Variants in PITPNC1 observed in about 807,000 individuals in gnomAD.
The protein encoded by PITPNC1 is cytoplasmic phosphatidylinositol transfer protein 1.
In PITPNC1, 18 loss-of-function variants were observed where a neutral mutation model predicts 44.7. That is an observed-to-expected ratio of 0.40 (90% confidence interval 0.28 to 0.60). PITPNC1 has a LOEUF of 0.60. PITPNC1 is among the 20% of genes least tolerant of loss of function. The pLI, the probability that PITPNC1 is intolerant of heterozygous loss-of-function variation, is 0.39. For missense variants in PITPNC1, 290 were observed against 418.4 expected, an observed-to-expected ratio of 0.69 and a Z score of 2.68; for synonymous variants, 141 against 149.6, an observed-to-expected ratio of 0.94 and a Z score of 0.42.
chr17:67,442,399 G>T (rs2039028927), intron 1 of PITPNC1, among the ~76,000 whole-genome samples: 1 of 151,088 alleles, frequency 6.6e-6, no homozygotes, highest in South Asian at 2.1e-4. Flanking sequence ...AGTGGATGAG[G>T]TGGTGGGAGA....
chr17:67,504,845 T>C (rs1583319), intron 1 of PITPNC1, among the ~76,000 whole-genome samples: 1 of 152,022 alleles, frequency 6.6e-6, no homozygotes, highest in African/African-American at 2.4e-5. Context: ...ATGCGAAATC[T>C]TTTTCTTTTT....
intron 1 of PITPNC1, among the ~76,000 whole-genome samples, chr17:67,411,711 T>TC (rs1368436674): frequency 6.6e-6 from 1 of 152,132 alleles, no homozygotes; most frequent in Non-Finnish European, 1.5e-5. Context: ...GGGCACGAGA[T>TC]CAGAGCTAGA....
chr17:67,671,292 G>A (rs2042508198), intron 7 of PITPNC1, among the ~76,000 whole-genome samples: 3 of 152,184 alleles, frequency 2.0e-5, no homozygotes, highest in South Asian at 2.1e-4. Context: ...GAAATGCAAT[G>A]TTGAGCATTG....
intron 1 of PITPNC1, among the ~76,000 whole-genome samples, chr17:67,473,011 G>A (rs1183256473): frequency 6.6e-6 from 1 of 151,582 alleles, no homozygotes; most frequent in African/African-American, 2.4e-5. Context: ...GAGTAGCTGG[G>A]ACTACAGGTG....
intron 2 of PITPNC1, among the ~76,000 whole-genome samples, chr17:67,542,615 A>G (rs1012997326): frequency 1.3e-5 from 2 of 152,214 alleles, no homozygotes; most frequent in Admixed American, 1.3e-4. Flanking sequence ...TCCACAGGGC[A>G]GTGGGTCCTG....
intron 1 of PITPNC1, among the ~76,000 whole-genome samples, chr17:67,454,933 C>T (rs912240230): frequency 1.7e-4 from 26 of 151,782 alleles, no homozygotes; most frequent in Admixed American, 1.6e-3. Context: ...AATCCTCCCA[C>T]TTCAGCCCCC....
intron 4 of PITPNC1, among the ~76,000 whole-genome samples, chr17:67,557,700 G>A (rs549670144): frequency 3.3e-5 from 5 of 152,298 alleles, no homozygotes; most frequent in Admixed American, 6.5e-5. Flanking sequence ...CTCTGTCCAC[G>A]ACAGCCCTGG....
At chr17:67,572,785 T>G (rs1447917940) in intron 4 of PITPNC1, among the ~76,000 whole-genome samples, 1 of 115,048 alleles carries the variant, frequency 8.7e-6, no homozygotes, top group African/African-American at 3.7e-5. Context: ...CAGCAGGAAG[T>G]TTTCCAGGGA....
intron 1 of PITPNC1, among the ~76,000 whole-genome samples, chr17:67,499,808 C>T (rs756580793): frequency 2.0e-5 from 3 of 152,168 alleles, no homozygotes; most frequent in African/African-American, 4.8e-5. Context: ...AACATAGGTG[C>T]GTAGTAGGCT....
At chr17:67,544,262 T>C (rs1598802794) in intron 2 of PITPNC1, among the ~76,000 whole-genome samples, 1 of 152,304 alleles carries the variant, frequency 6.6e-6, no homozygotes, top group East Asian at 1.9e-4. Flanking sequence ...ATGATACTAA[T>C]CAAATTCTAG....
At chr17:67,427,378 T>A (rs1355300715) in intron 1 of PITPNC1, among the ~76,000 whole-genome samples, 1 of 151,776 alleles carries the variant, frequency 6.6e-6, no homozygotes, top group Non-Finnish European at 1.5e-5. Flanking sequence ...GCCCGGCTAA[T>A]TTTTTTTGTA....
At chr17:67,423,104 C>A (rs771470243) in intron 1 of PITPNC1, among the ~76,000 whole-genome samples, 2 of 152,018 alleles carry the variant, frequency 1.3e-5, no homozygotes, top group Non-Finnish European at 2.9e-5. Context: ...ATTGATTCTT[C>A]ATGGAGGAGT....
At chr17:67,543,199 G>A (rs2040631740) in intron 2 of PITPNC1, among the ~76,000 whole-genome samples, 1 of 152,192 alleles carries the variant, frequency 6.6e-6, no homozygotes. Context: ...AGTAGAGCCA[G>A]ATGGCGTCAT....
intron 1 of PITPNC1, among the ~76,000 whole-genome samples, chr17:67,465,197 A>C (rs2143984744): frequency 6.6e-6 from 1 of 152,268 alleles, no homozygotes; most frequent in Non-Finnish European, 1.5e-5. Flanking sequence ...CCTGTCTTTG[A>C]GTGATCGGTC....
chr17:67,664,867 T>G (rs2144392998), intron 6 of PITPNC1, among the ~76,000 whole-genome samples: 1 of 150,276 alleles, frequency 6.7e-6, no homozygotes, highest in Admixed American at 6.7e-5. Context: ...ATCATGCCAC[T>G]GTACTCCAGC....
intron 5 of PITPNC1, among the ~76,000 whole-genome samples, chr17:67,627,991 A>T (rs1234043549): frequency 6.6e-6 from 1 of 150,410 alleles, no homozygotes; most frequent in Non-Finnish European, 1.5e-5. Context: ...CAGTGGCACA[A>T]TCTCGGCTCA....
intron 6 of PITPNC1, among the ~76,000 whole-genome samples, chr17:67,635,872 C>T (rs757525831): frequency 1.4e-4 from 21 of 152,254 alleles, no homozygotes; most frequent in African/African-American, 3.1e-4. Context: ...TATTGCCTCA[C>T]GAGGATGCTT....
intron 8 of PITPNC1, among the ~76,000 whole-genome samples, chr17:67,682,360 C>T (rs2042725779): frequency 6.6e-6 from 1 of 152,150 alleles, no homozygotes; most frequent in South Asian, 2.1e-4. Flanking sequence ...GAGACCAGAG[C>T]CTCTTTGCCA....
intron 1 of PITPNC1, among the ~76,000 whole-genome samples, chr17:67,480,371 T>G (rs901198156): frequency 6.6e-6 from 1 of 152,202 alleles, no homozygotes; most frequent in Admixed American, 6.5e-5. Context: ...AGAAAAATAA[T>G]TTGACAGATA....
Sources: gnomAD v4.1 joint callset for allele counts (sites outside exome capture counted in the v4.1 genomes callset) on GRCh38, gnomAD v4.1.1 for gene constraint, MANE v1.5 for transcripts, NCBI Gene and HGNC (gene_info 2026-07-23, HGNC 2026-07-21) for gene names.